DTNB: variants seen among roughly 807,000 people sequenced by gnomAD.
DTNB encodes dystrobrevin beta.
Under a neutral mutation model 90.7 loss-of-function variants are expected in DTNB, and 63 were observed. The ratio of observed to expected loss-of-function variants is 0.69; its 90% CI spans 0.57 to 0.86. The LOEUF is 0.86. Ranked by LOEUF, DTNB falls within the 40% of genes least tolerant of loss-of-function variation. The pLI is 0.00. For missense variants in DTNB, 744 were observed against 807.1 expected, an observed-to-expected ratio of 0.92 and a Z score of 0.95; for synonymous variants, 277 against 286.7, an observed-to-expected ratio of 0.97 and a Z score of 0.34.
At chr2:25,476,857 G>A (rs964661537) in intron 10 of DTNB, among the ~76,000 whole-genome samples, 19 of 152,232 alleles carry the variant, frequency 1.2e-4, no homozygotes, top group African/African-American at 4.1e-4. Context: ...CAAAGCAGTG[G>A]CAGGGTATGA....
rs1186433109 is a variant in DTNB, at chr2:25,424,178, G to A, written c.1554+3357C>T. On this transcript the variant is annotated intron_variant, in intron 15 of 20. Coordinates refer to ENST00000406818, the MANE Select transcript of DTNB (RefSeq NM_021907.5). This position sits in a 1 kb window ranked among gnomAD's most constrained non-coding sequence, Gnocchi z 4.1. ...GTGAATTCTAGCCAATGGATAGAAA[G>A]GCAACATTCCTAGATTTGTGTTTGC... Among the ~76,000 whole-genome samples the A allele has an allele frequency of 2.6e-5, 4 of 152,154 alleles. No homozygotes were observed. The highest frequency in any genetic ancestry group is 2.6e-4 in the Admixed American group (4 of 15,262).
intron 3 of DTNB, among the ~76,000 whole-genome samples, chr2:25,633,418 G>C (rs1405827135): frequency 2.6e-5 from 4 of 152,062 alleles, no homozygotes; most frequent in South Asian, 2.1e-4. Context: ...CGCCAGCCTC[G>C]GCCTCTCGAG....
At chr2:25,606,994 A>C (rs2067248318) in intron 5 of DTNB, among the ~76,000 whole-genome samples, 1 of 152,216 alleles carries the variant, frequency 6.6e-6, no homozygotes, top group South Asian at 2.1e-4. Flanking sequence ...AAATGTCAGC[A>C]TTATGATTCT....
At chr2:25,522,624 T>C (rs1427882310) in intron 9 of DTNB, among the ~76,000 whole-genome samples, 1 of 151,926 alleles carries the variant, frequency 6.6e-6, no homozygotes, top group South Asian at 2.1e-4. Flanking sequence ...CACTTTCTCA[T>C]ACATTATCTT....
chr2:25,663,978 T>C lies in DTNB; in HGVS notation c.-2+9408A>G, dbSNP rs1443689250. 2.6e-5 allele frequency among the ~76,000 whole-genome samples: 4 copies of C among 152,344 alleles called. No homozygotes were observed. In the East Asian group the frequency reaches 7.7e-4, roughly 29 times the overall value. On this transcript the variant is annotated intron_variant, in intron 1 of 20. Coordinates refer to ENST00000406818, the MANE Select transcript of DTNB (RefSeq NM_021907.5). Reference sequence around the variant, plus strand: ...TAACCTTAATAAAATTTTAAGGTACTGGATTATGACTGACAATCACTGAAA... The same window carrying C: ...TAACCTTAATAAAATTTTAAGGTACCGGATTATGACTGACAATCACTGAAA...
intron 10 of DTNB, among the ~76,000 whole-genome samples, chr2:25,461,375 C>T (rs2060925261): frequency 6.6e-6 from 1 of 152,036 alleles, no homozygotes; most frequent in Non-Finnish European, 1.5e-5. Context: ...AAAGTTGTAC[C>T]TAGTTTACCA....
intron 10 of DTNB, among the ~76,000 whole-genome samples, chr2:25,481,184 G>A (rs2064859558): frequency 6.6e-6 from 1 of 151,804 alleles, no homozygotes. Context: ...GATCACTTGA[G>A]ATCAGGAGTT....
intron 14 of DTNB, among the ~76,000 whole-genome samples, chr2:25,431,322 C>G (rs1304160155): frequency 6.6e-6 from 1 of 152,126 alleles, no homozygotes; most frequent in Admixed American, 6.5e-5. Context: ...CTGCCTCAGC[C>G]TCCCGAGTCT....
At chr2:25,549,350 GGTT>G (rs2083117927) in intron 8 of DTNB, among the ~76,000 whole-genome samples, 1 of 151,690 alleles carries the variant, frequency 6.6e-6, no homozygotes, top group Non-Finnish European at 1.5e-5. Flanking sequence ...GATTGGTCAA[GGTT>G]GTTTTTGCTA....
At chr2:25,423,201 A>T (rs963537335) in intron 15 of DTNB, among the ~76,000 whole-genome samples, 1 of 142,566 alleles carries the variant, frequency 7.0e-6, no homozygotes, top group Non-Finnish European at 1.6e-5. Context: ...CATCTCAGAC[A>T]AAAAAACAAA....
intron 3 of DTNB, among the ~76,000 whole-genome samples, chr2:25,631,127 T>C (rs191962842): frequency 6.6e-6 from 1 of 152,108 alleles, no homozygotes; most frequent in Admixed American, 6.6e-5. Context: ...AATTAGATAA[T>C]GATGATGGTT....
rs2072601383 is a variant in DTNB at position 25,506,950 on chromosome 2, G to A, written c.1002-24077C>T. 1.1e-4 allele frequency among the ~76,000 whole-genome samples: 17 copies of A among 152,164 alleles called. No individual in the cohort carries two copies. The South Asian group carries it at 3.5e-3, about 32-fold the overall frequency. On this transcript the variant is annotated intron_variant, in intron 9 of 20. Coordinates refer to ENST00000406818, the MANE Select transcript of DTNB (RefSeq NM_021907.5). ...ACAAAGCATCAAAGAATACAAAAAA[G>A]TCTCATGTGTTTAGAAATTTTAGAA...
intron 16 of DTNB, among the ~76,000 whole-genome samples, chr2:25,392,592 A>C (rs547044487): frequency 6.6e-6 from 1 of 152,320 alleles, no homozygotes; most frequent in Non-Finnish European, 1.5e-5. Context: ...AGAAATACAA[A>C]AGATTTAAAG....
chr2:25,407,593 T>A (rs1159398356), intron 16 of DTNB, among the ~76,000 whole-genome samples: 1 of 152,210 alleles, frequency 6.6e-6, no homozygotes, highest in Non-Finnish European at 1.5e-5. Flanking sequence ...ACTACTCAGC[T>A]ATAAAAAGGA....
At chr2:25,426,961 A>AGGTCAGGAGT (rs770273184) in intron 15 of DTNB, among the ~76,000 whole-genome samples, 74 of 152,190 alleles carry the variant, frequency 4.9e-4, no homozygotes, top group Non-Finnish European at 9.3e-4. Context: ...GGATCACCTG[A>AGGTCAGGAGT]GGTCAGGAGT....
intron 4 of DTNB, among the ~76,000 whole-genome samples, chr2:25,625,458 C>T (rs1408302230): frequency 6.6e-6 from 1 of 151,234 alleles, no homozygotes; most frequent in African/African-American, 2.4e-5. Flanking sequence ...ATCATTTATT[C>T]TGATACCATG....
In DTNB at chr2:25,380,683, G is replaced by A. The variant is rs529714601; in HGVS notation, c.1880-1360C>T. On this transcript the variant is annotated intron_variant, in intron 19 of 20. Coordinates refer to ENST00000406818, the MANE Select transcript of DTNB (RefSeq NM_021907.5). Reference sequence around the variant, plus strand: ...AGTGCAGGTGTAAAGACAGTGCCCTGGGGCCTGGAGTGCCGGGAAAGGGAA... The same window carrying A: ...AGTGCAGGTGTAAAGACAGTGCCCTAGGGCCTGGAGTGCCGGGAAAGGGAA... 2.0e-4 allele frequency among the ~76,000 whole-genome samples: 30 copies of A among 152,386 alleles called. 1 individual carries two copies. Among genetic ancestry groups the A allele is most frequent in the African/African-American group, 7.0e-4 (29 of 41,604 alleles).
At position 25,639,014 on chromosome 2, in the gene DTNB, G is replaced by C. The variant is rs773532655; in HGVS notation, c.148C>G (p.Leu50Val). The change falls in exon 3 of 21, where the codon CTT becomes GTT. Residue 50 changes from leucine (L) to valine (V), a missense_variant and splice_region_variant. Leu to Val is a conservative substitution (Grantham distance 32, BLOSUM62 1). Coordinates refer to ENST00000406818, the MANE Select transcript of DTNB (RefSeq NM_021907.5). ...ACAGAAATGAGTAGAAATGACTCACGGTTGCATCGTTTTTGTACAAATCGT... is the reference window on the plus strand; with the variant it reads ...ACAGAAATGAGTAGAAATGACTCACCGTTGCATCGTTTTTGTACAAATCGT... ...KLRFVQKRCN[L>V]HLVDIWNMIE... 45 of 1,579,630 alleles carry C rather than the reference G, an allele frequency of 2.8e-5. No individual in the cohort carries two copies. The highest frequency in any genetic ancestry group is 3.7e-5 in the Non-Finnish European group (43 of 1,158,632).
chr2:25,648,966 T>G (rs1307801352), intron 2 of DTNB, among the ~76,000 whole-genome samples: 1 of 141,514 alleles, frequency 7.1e-6, no homozygotes, highest in Non-Finnish European at 1.5e-5. Flanking sequence ...CCCATGAAAA[T>G]CAAAAACAAG....
Sources: allele counts gnomAD v4.1 joint callset (sites outside exome capture counted in the v4.1 genomes callset), GRCh38; gene constraint gnomAD v4.1.1; non-coding constraint Gnocchi (gnomAD v3.1); transcripts MANE v1.5; gene names NCBI Gene and HGNC (gene_info 2026-07-23, HGNC 2026-07-21).